RERE: variants seen among roughly 807,000 people sequenced by gnomAD.
RERE encodes the protein arginine-glutamic acid dipeptide repeats, also known as arginine-glutamic acid dipeptide repeats protein.
A neutral mutation model predicts 146.1 loss-of-function variants in RERE; 40 were observed. That is an observed-to-expected ratio of 0.27 (90% CI 0.21 to 0.36). RERE has a LOEUF of 0.36. Among genes scored for constraint, RERE ranks in the 10% least tolerant of loss-of-function variants. RERE has a pLI of 1.00. For synonymous variants in RERE, 1,003 were observed against 866.0 expected, an observed-to-expected ratio of 1.16 and a Z score of -2.78; for missense variants, 1,933 against 2,138.7, an observed-to-expected ratio of 0.90 and a Z score of 1.90.
At chr1:8,753,738 T>G (rs1302212225) in intron 1 of RERE, 1 of 152,166 alleles carries the variant, frequency 6.6e-6, no homozygotes, top group East Asian at 1.9e-4. Context: ...TGGGATAAAT[T>G]ACTTATACCA....
chr1:8,604,574 AAAG>A (rs1374726200), intron 4 of RERE, among the ~76,000 whole-genome samples: 3 of 128,040 alleles, frequency 2.3e-5, no homozygotes, highest in Non-Finnish European at 5.0e-5. Context: ...GAGTTTAAAA[AAAG>A]AAGGAAGGAA....
At chr1:8,420,663 A>G (rs901743741) in intron 12 of RERE, among the ~76,000 whole-genome samples, 11 of 152,314 alleles carry the variant, frequency 7.2e-5, no homozygotes, top group Admixed American at 5.2e-4. Context: ...TAAATCCTCC[A>G]TTGCTGCAAA....
At chr1:8,719,133 T>C (rs1639814077) in intron 1 of RERE, among the ~76,000 whole-genome samples, 1 of 152,132 alleles carries the variant, frequency 6.6e-6, no homozygotes, top group African/African-American at 2.4e-5. Flanking sequence ...CTACATTATT[T>C]ATGTGAACTG....
Position 8,779,943 on chromosome 1 carries a change from C to T in RERE, c.-145+37217G>A, listed in dbSNP as rs983547961. Among the ~76,000 whole-genome samples the T allele has an allele frequency of 3.7e-4, 57 of 152,194 alleles. 1 individual carries two copies. Among genetic ancestry groups the T allele is most frequent in the Admixed American group, 3.7e-3 (57 of 15,282 alleles). On this transcript the variant is annotated intron_variant, in intron 1 of 22. Coordinates refer to ENST00000400908, the MANE Select transcript of RERE (RefSeq NM_001042681.2). The stretch of plus-strand genomic sequence containing the variant: ...GAGCAGCTTATGCCTGTAATCCCAG[C>T]GCTTTGGGAGGTCGAGGCGGGCAGA...
At chr1:8,399,125 T>C (rs1643159241) in intron 12 of RERE, among the ~76,000 whole-genome samples, 1 of 152,012 alleles carries the variant, frequency 6.6e-6, no homozygotes, top group Non-Finnish European at 1.5e-5. Context: ...TCATGCATTC[T>C]AGATACTAAT....
At chr1:8,480,126 T>TG (rs763238660) in intron 10 of RERE, among the ~76,000 whole-genome samples, 4 of 47,490 alleles carry the variant, frequency 8.4e-5, no homozygotes, top group Non-Finnish European at 1.4e-4. Context: ...AAGCCTTTTT[T>TG]TGTTTTTTTT....
intron 1 of RERE, among the ~76,000 whole-genome samples, chr1:8,777,464 A>G (rs779209907): frequency 1.3e-5 from 2 of 152,056 alleles, no homozygotes; most frequent in South Asian, 2.1e-4. Context: ...AATGAACATT[A>G]TATTTTCTAC....
At chr1:8,651,189 G>A (rs1317074481) in intron 2 of RERE, among the ~76,000 whole-genome samples, 4 of 152,112 alleles carry the variant, frequency 2.6e-5, no homozygotes, top group East Asian at 1.9e-4. Context: ...GGAGGCAGGA[G>A]GATCACTTGA....
At chr1:8,651,810 G>GT (rs368064611) in intron 2 of RERE, among the ~76,000 whole-genome samples, 8 of 151,818 alleles carry the variant, frequency 5.3e-5, no homozygotes, top group Non-Finnish European at 1.0e-4. Flanking sequence ...TACTCTGCTG[G>GT]TTTTTTTGGT....
chr1:8,781,329 G>A (rs1158614372), intron 1 of RERE, among the ~76,000 whole-genome samples: 2 of 150,192 alleles, frequency 1.3e-5, no homozygotes, highest in Non-Finnish European at 3.0e-5. Flanking sequence ...GTACTCCAGA[G>A]CCTGGTGACA....
At chr1:8,570,334 AAAT>A (rs1198593407) in intron 4 of RERE, among the ~76,000 whole-genome samples, 3 of 152,090 alleles carry the variant, frequency 2.0e-5, no homozygotes, top group Non-Finnish European at 2.9e-5. Context: ...CCATCTCAAA[AAAT>A]AATAATAATA....
chr1:8,443,109 TAAAAG>T (rs1427420507), intron 11 of RERE, among the ~76,000 whole-genome samples: 5 of 152,116 alleles, frequency 3.3e-5, no homozygotes, highest in Non-Finnish European at 5.9e-5. Flanking sequence ...AATTTATACT[TAAAAG>T]GGAAGCAGAG....
chr1:8,788,428 G>T lies in RERE; in HGVS notation c.-145+28732C>A, dbSNP rs146457234. 2.9e-3 allele frequency among the ~76,000 whole-genome samples: 435 copies of T among 149,352 alleles called. 3 individuals carry two copies. The highest frequency in any genetic ancestry group is 0.01 in the African/African-American group (413 of 40,592). ...TGCCCAGGCTGGAGCGCAGTGGCGC[G>T]ATCTCGGCTCACTGCAACCACCTCC... On this transcript the variant is annotated intron_variant, in intron 1 of 22. Coordinates refer to ENST00000400908, the MANE Select transcript of RERE (RefSeq NM_001042681.2).
chr1:8,394,258 A>G (rs1642978526), intron 12 of RERE, among the ~76,000 whole-genome samples: 1 of 152,230 alleles, frequency 6.6e-6, no homozygotes, highest in South Asian at 2.1e-4. Context: ...AGCTTTCCCC[A>G]TTATTAAAAA....
chr1:8,690,066 T>G (rs1351244413), intron 1 of RERE, among the ~76,000 whole-genome samples: 2 of 152,174 alleles, frequency 1.3e-5, no homozygotes, highest in African/African-American at 4.8e-5. Context: ...GGTATAAAAT[T>G]TATGCTCTGT....
intron 11 of RERE, among the ~76,000 whole-genome samples, chr1:8,460,130 T>C (rs1198980776): frequency 6.6e-6 from 1 of 152,210 alleles, no homozygotes; most frequent in African/African-American, 2.4e-5. Flanking sequence ...TGAATTCCAT[T>C]TTCCTCAGCT....
At chr1:8,801,272 T>TC (rs1641587237) in intron 1 of RERE, among the ~76,000 whole-genome samples, 1 of 73,874 alleles carries the variant, frequency 1.4e-5, no homozygotes, top group Admixed American at 1.1e-4. Flanking sequence ...AAAAAATTGT[T>TC]CTTTTTTTTT....
intron 1 of RERE, among the ~76,000 whole-genome samples, chr1:8,684,494 G>C (rs1368686083): frequency 2.6e-5 from 4 of 152,072 alleles, no homozygotes; most frequent in African/African-American, 9.7e-5. Flanking sequence ...TTTACCAACT[G>C]TTACAGAAGC....
At chr1:8,747,931 C>A (rs563174471) in intron 1 of RERE, among the ~76,000 whole-genome samples, 4 of 152,072 alleles carry the variant, frequency 2.6e-5, no homozygotes, top group African/African-American at 9.7e-5. Context: ...CATGCCACCA[C>A]ACCCAGCTAA....
Sources: allele counts gnomAD v4.1 joint callset (sites outside exome capture counted in the v4.1 genomes callset), GRCh38; gene constraint gnomAD v4.1.1; transcripts MANE v1.5; gene names NCBI Gene and HGNC (gene_info 2026-07-23, HGNC 2026-07-21).